DMD: variants seen among roughly 807,000 people sequenced by gnomAD.
The protein encoded by DMD is mutant dystrophin.
In DMD, 63 loss-of-function variants were observed where a neutral mutation model predicts 330.1. That is an observed-to-expected ratio of 0.19 (90% confidence interval 0.16 to 0.24). DMD has a LOEUF of 0.24. Ranked by LOEUF, DMD falls within the 10% of genes least tolerant of loss-of-function variation. DMD has a pLI of 1.00. For missense variants in DMD, 3,344 were observed against 2,684.1 expected, an observed-to-expected ratio of 1.25 and a Z score of -5.43; for synonymous variants, 1,223 against 959.8, an observed-to-expected ratio of 1.27 and a Z score of -5.07.
intron 43 of DMD, among the ~76,000 whole-genome samples, chrX:32,240,496 A>T (rs936159398): frequency 9.0e-6 from 1 of 111,441 alleles, no homozygotes; most frequent in Non-Finnish European, 1.9e-5. Context: ...CAGCCTCCAG[A>T]ACGGTGAGAA....
At chrX:32,924,280 C>A (rs2088752000) in intron 2 of DMD, among the ~76,000 whole-genome samples, 1 of 111,680 alleles carries the variant, frequency 9.0e-6, no homozygotes. Context: ...GTAATCCCAG[C>A]ACTTTGGGAG....
chrX:31,312,557 C>CA (rs1290497115), intron 62 of DMD, among the ~76,000 whole-genome samples: 2 of 112,461 alleles, frequency 1.8e-5, no homozygotes, highest in African/African-American at 6.5e-5. Context: ...GGCAATTCCT[C>CA]AAGGATCTAG....
chrX:32,315,178 A>G (rs941837641), intron 41 of DMD, among the ~76,000 whole-genome samples: 4 of 111,905 alleles, frequency 3.6e-5, no homozygotes, highest in African/African-American at 1.3e-4. Context: ...GAAAATTGAC[A>G]CATATACACC....
chrX:32,617,177 CAG>C (rs1293120941), intron 11 of DMD, among the ~76,000 whole-genome samples: 18 of 110,103 alleles, frequency 1.6e-4, no homozygotes, highest in African/African-American at 5.9e-4. Context: ...GGGCATTTGC[CAG>C]GAGTCTCTTA....
intron 7 of DMD, among the ~76,000 whole-genome samples, chrX:32,800,170 T>G (rs1661345820): frequency 8.9e-6 from 1 of 112,138 alleles, no homozygotes; most frequent in African/African-American, 3.2e-5. Context: ...TAAAATGAAA[T>G]TTCTTTGGAG....
At chrX:32,786,173 A>C (rs2075345580) in intron 7 of DMD, among the ~76,000 whole-genome samples, 1 of 109,438 alleles carries the variant, frequency 9.1e-6, no homozygotes, top group Non-Finnish European at 1.9e-5. Flanking sequence ...CAAGAGACTC[A>C]CTTGCCCAAC....
intron 16 of DMD, among the ~76,000 whole-genome samples, chrX:32,558,703 G>A (rs750358811): frequency 3.6e-5 from 4 of 111,068 alleles, no homozygotes; most frequent in African/African-American, 1.3e-4. Flanking sequence ...AATCTGCCTA[G>A]CTTACCTTTC....
chrX:32,731,886 C>A (rs1338690358), intron 7 of DMD, among the ~76,000 whole-genome samples: 1 of 112,281 alleles, frequency 8.9e-6, no homozygotes, highest in Non-Finnish European at 1.9e-5. Flanking sequence ...CAGTTCCTCA[C>A]TAGCAACGGA....
intron 34 of DMD, among the ~76,000 whole-genome samples, chrX:32,376,809 T>A (rs1223132315): frequency 1.8e-5 from 2 of 110,692 alleles, no homozygotes; most frequent in African/African-American, 3.3e-5. Flanking sequence ...ATTGGTGACA[T>A]GAATACAGTA....
At chrX:32,839,999 G>A (rs755318587) in intron 4 of DMD, among the ~76,000 whole-genome samples, 6 of 111,895 alleles carry the variant, frequency 5.4e-5, no homozygotes, top group Admixed American at 1.9e-4. Flanking sequence ...ATGAGCCACC[G>A]CGCCCAGCCT....
chrX:32,664,238 G>GTTTT (rs59135933), intron 9 of DMD, among the ~76,000 whole-genome samples: 12 of 86,832 alleles, frequency 1.4e-4, no homozygotes, highest in South Asian at 5.6e-4. Flanking sequence ...CCTGGCATAG[G>GTTTT]TTTTTTTTTT....
chrX:32,045,627 C>A (rs760343785), intron 44 of DMD, among the ~76,000 whole-genome samples: 1 of 111,456 alleles, frequency 9.0e-6, no homozygotes, highest in African/African-American at 3.3e-5. Context: ...TCTTGTTTTT[C>A]TGCCGATTTT....
chrX:33,098,186 A>G (rs773127734), intron 1 of DMD, among the ~76,000 whole-genome samples: 28 of 111,884 alleles, frequency 2.5e-4, no homozygotes, highest in African/African-American at 9.1e-4. Flanking sequence ...TGTTCTGTTC[A>G]GAAAGATTCA....
intron 2 of DMD, among the ~76,000 whole-genome samples, chrX:32,891,992 G>A (rs1424188741): frequency 2.7e-5 from 3 of 111,401 alleles, no homozygotes; most frequent in African/African-American, 9.8e-5. Context: ...AGAAATGAAG[G>A]CCACAGAACC....
At chrX:32,457,836 C>T (rs928300208) in intron 25 of DMD, among the ~76,000 whole-genome samples, 1 of 109,776 alleles carries the variant, frequency 9.1e-6, no homozygotes, top group Non-Finnish European at 1.9e-5. Context: ...AAGACATCCA[C>T]GTAACCTCTA....
At chrX:32,649,371 G>A (rs1380450181) in intron 9 of DMD, among the ~76,000 whole-genome samples, 1 of 107,664 alleles carries the variant, frequency 9.3e-6, no homozygotes, top group African/African-American at 3.4e-5. Context: ...TCGCTAACAT[G>A]GTTAAACCCC....
intron 29 of DMD, among the ~76,000 whole-genome samples, chrX:32,429,209 C>CTT (rs781555625): frequency 9.7e-4 from 74 of 75,940 alleles, no homozygotes; most frequent in African/African-American, 2.8e-3. Flanking sequence ...CTTTTCTTTC[C>CTT]TTTTTTTTTT....
chrX:33,191,671 G>A (rs913758621), intron 1 of DMD, among the ~76,000 whole-genome samples: 3 of 111,870 alleles, frequency 2.7e-5, no homozygotes, highest in African/African-American at 9.8e-5. Context: ...TGATCTTCCC[G>A]CCTTGGCCTC....
chrX:31,700,890 T>C (rs1254311605), intron 52 of DMD, among the ~76,000 whole-genome samples: 1 of 112,024 alleles, frequency 8.9e-6, no homozygotes, highest in Non-Finnish European at 1.9e-5. Flanking sequence ...AGAAACTATC[T>C]AGATGTGATA....
Sources: allele counts gnomAD v4.1 joint callset (sites outside exome capture counted in the v4.1 genomes callset), GRCh38; gene constraint gnomAD v4.1.1; transcripts MANE v1.5; gene names NCBI Gene and HGNC (gene_info 2026-07-23, HGNC 2026-07-21).